The following IL15 variants were observed in gnomAD, a reference collection of about 807,000 sequenced individuals.
The protein encoded by IL15 is interleukin 15, also known as interleukin-15.
IL15 carries 11 observed loss-of-function variants against 19.6 expected under a neutral mutation model. That is an observed-to-expected ratio of 0.56 (90% CI 0.35 to 0.93). The LOEUF (loss-of-function observed/expected upper bound fraction) is 0.93, where lower values mean the gene tolerates loss of function less well. IL15 is among the 40% of genes least tolerant of loss of function. IL15 has a pLI of 0.01. For missense variants in IL15, 197 were observed against 186.5 expected (o/e 1.06, Z -0.33); for synonymous variants, 58 against 59.6 (o/e 0.97, Z 0.12).
chr4:141,641,776 C>T (rs1021464515), intron 1 of IL15, among the ~76,000 whole-genome samples: 2 of 150,578 alleles, frequency 1.3e-5, no homozygotes, highest in South Asian at 2.1e-4. Context: ...ACCAACATGG[C>T]GCATGTATAC....
At chr4:141,715,040 G>A (rs1328932519) in intron 2 of IL15, 1 of 152,230 alleles carries the variant, frequency 6.6e-6, no homozygotes, top group East Asian at 1.9e-4. Context: ...GGCATCAGCT[G>A]TGTCCAAGGC....
At chr4:141,732,570 C>T (rs1730484612) in intron 7 of IL15, among the ~76,000 whole-genome samples, 168 bp from the exon 8 acceptor site, 1 of 152,188 alleles carries the variant, frequency 6.6e-6, no homozygotes, top group Non-Finnish European at 1.5e-5. Context: ...TATCAAATCT[C>T]CCTGTTCTCT....
At position 141,733,005 on chromosome 4, in the gene IL15, A is replaced by C. The variant is rs532684902; in HGVS notation, c.*157A>C. The stretch of plus-strand genomic sequence containing the variant: ...TGGATCAGATGAACTCTTAGAAATG[A>C]AGGCAGAAAAATGTCATTGAGTAAT... On this transcript the variant is annotated 3_prime_UTR_variant, in exon 8 of 8. Transcript: ENST00000320650. 3 of 1,187,022 alleles carry C rather than the reference A, an allele frequency of 2.5e-6. No individual in the cohort carries two copies. The African/African-American group carries it at 4.7e-5, about 19-fold the overall frequency. 73.5% of individuals were successfully genotyped at this position (1,187,022 alleles called of 1,614,324 possible). A position where few individuals can be genotyped will look rare whatever the true frequency, so the allele number is the denominator to read the frequency against.
At chr4:141,686,755 G>A (rs1176583269) in intron 2 of IL15, among the ~76,000 whole-genome samples, 1 of 152,136 alleles carries the variant, frequency 6.6e-6, no homozygotes, top group African/African-American at 2.4e-5. Context: ...CATTTTAAAG[G>A]TATGTCTGTA....
chr4:141,657,469 C>A (rs1727648099), intron 2 of IL15, among the ~76,000 whole-genome samples: 1 of 151,880 alleles, frequency 6.6e-6, no homozygotes, highest in South Asian at 2.1e-4. Flanking sequence ...CAAACATTTT[C>A]TTTAACTTTT....
intron 2 of IL15, chr4:141,717,349 C>T (rs934145485): frequency 6.6e-6 from 1 of 152,148 alleles, no homozygotes; most frequent in African/African-American, 2.4e-5. Context: ...TCTCTTTAGG[C>T]ACTTTCATTA....
chr4:141,693,016 CAAAAAAA>C (rs70949131), intron 2 of IL15, among the ~76,000 whole-genome samples: 11 of 23,232 alleles, frequency 4.7e-4, no homozygotes, highest in East Asian at 1.5e-3. Context: ...GACTCCGTCT[CAAAAAAA>C]AAAAAAAAAA....
chr4:141,710,929 G>A (rs995660006), intron 2 of IL15, among the ~76,000 whole-genome samples: 9 of 151,900 alleles, frequency 5.9e-5, no homozygotes, highest in African/African-American at 2.2e-4. Context: ...ATTTCCCCCA[G>A]GGAGAGTATC....
intron 1 of IL15, among the ~76,000 whole-genome samples, chr4:141,647,074 T>C (rs935893290): frequency 1.3e-5 from 2 of 152,130 alleles, no homozygotes; most frequent in East Asian, 3.9e-4. Context: ...AGATTTGATA[T>C]ACCAGTGTTC....
chr4:141,643,079 TA>T (rs1727107060), intron 1 of IL15, among the ~76,000 whole-genome samples: 1 of 152,202 alleles, frequency 6.6e-6, no homozygotes, highest in African/African-American at 2.4e-5. Context: ...AGGTAGAATT[TA>T]TTGAAGAAAA....
chr4:141,638,472 C>T (rs1428228718), intron 1 of IL15, among the ~76,000 whole-genome samples: 1 of 152,164 alleles, frequency 6.6e-6, no homozygotes, highest in African/African-American at 2.4e-5. Flanking sequence ...CTTTTGGTTT[C>T]ACTGTTCCTT....
chr4:141,658,672 T>C (rs1727686297), intron 2 of IL15, among the ~76,000 whole-genome samples: 1 of 151,586 alleles, frequency 6.6e-6, no homozygotes, highest in Non-Finnish European at 1.5e-5. Context: ...TTAAGGAAAT[T>C]GAAACATTTT....
chr4:141,673,322 T>A (rs775767983), intron 2 of IL15, among the ~76,000 whole-genome samples: 4 of 152,226 alleles, frequency 2.6e-5, no homozygotes, highest in Non-Finnish European at 5.9e-5. Flanking sequence ...AACATTCTGC[T>A]TTGTAAGTAT....
chr4:141,698,026 G>A (rs1410286886), intron 2 of IL15, among the ~76,000 whole-genome samples: 1 of 151,792 alleles, frequency 6.6e-6, no homozygotes, highest in African/African-American at 2.4e-5. Flanking sequence ...TGCCTATTTT[G>A]TTCAGGGTTT....
chr4:141,712,791 A>C (rs1258302366), intron 2 of IL15, among the ~76,000 whole-genome samples: 2 of 151,590 alleles, frequency 1.3e-5, no homozygotes, highest in African/African-American at 4.8e-5. Context: ...AAAAATATTT[A>C]TATAGATTAT....
At chr4:141,729,415 T>C (rs1730376373) in intron 6 of IL15, among the ~76,000 whole-genome samples, 1 of 152,174 alleles carries the variant, frequency 6.6e-6, no homozygotes, top group African/African-American at 2.4e-5. Flanking sequence ...CCTCTGGAAC[T>C]TTGGAACTTG....
At chr4:141,696,109 T>A (rs1729083783) in intron 2 of IL15, among the ~76,000 whole-genome samples, 1 of 152,152 alleles carries the variant, frequency 6.6e-6, no homozygotes, top group Non-Finnish European at 1.5e-5. Context: ...TTTAATTCAT[T>A]TTGATTTGAC....
chr4:141,703,802 C>T (rs979507917), intron 2 of IL15, among the ~76,000 whole-genome samples: 12 of 145,202 alleles, frequency 8.3e-5, no homozygotes, highest in East Asian at 6.0e-4. Context: ...TCTAGGTATT[C>T]GATTTTTTTA....
intron 5 of IL15, among the ~76,000 whole-genome samples, chr4:141,722,562 A>G (rs1181338603): frequency 6.6e-6 from 1 of 152,206 alleles, no homozygotes; most frequent in African/African-American, 2.4e-5. Flanking sequence ...GCATGTTAAA[A>G]TAGAAGATTT....
Sources: allele counts gnomAD v4.1 joint callset (sites outside exome capture counted in the v4.1 genomes callset), GRCh38; gene constraint gnomAD v4.1.1; transcripts MANE v1.5; gene names NCBI Gene and HGNC (gene_info 2026-07-23, HGNC 2026-07-21).